Variants in TENT2 observed in about 807,000 individuals in gnomAD.
TENT2 encodes terminal nucleotidyltransferase 2.
A neutral mutation model predicts 72.2 loss-of-function variants in TENT2; 44 were observed. The ratio of observed to expected loss-of-function variants is 0.61; its 90% CI spans 0.48 to 0.78. TENT2 has a LOEUF of 0.78. Ranked by LOEUF, TENT2 falls within the 30% of genes least tolerant of loss-of-function variation. The pLI, the probability that TENT2 is intolerant of heterozygous loss-of-function variation, is 0.00. For synonymous variants in TENT2, 212 were observed against 192.5 expected, an observed-to-expected ratio of 1.10 and a Z score of -0.84; for missense variants, 541 against 569.6, an observed-to-expected ratio of 0.95 and a Z score of 0.51.
intron 13 of TENT2, 32 bp downstream of exon 13, chr5:79,679,702 A>C: frequency 7.7e-7 from 1 of 1,297,124 alleles, no homozygotes; most frequent in South Asian, 1.6e-5. Flanking sequence ...ACGTATCATC[A>C]TGGTACTAAG....
intron 4 of TENT2, among the ~76,000 whole-genome samples, chr5:79,634,912 G>A (rs1174479331): frequency 6.6e-6 from 1 of 151,644 alleles, no homozygotes; most frequent in Non-Finnish European, 1.5e-5. Context: ...TGAACTCCTG[G>A]GCTCAAGCTA....
rs1193599290 is a variant in TENT2, at chr5:79,645,168, T to C, written c.797T>C (p.Ile266Thr). 2.5e-6 allele frequency: 4 copies of C among 1,609,062 alleles called. No homozygotes were observed. The highest frequency in any genetic ancestry group is 3.4e-6 in the Non-Finnish European group (4 of 1,177,984). Residue 266 changes from isoleucine (I) to threonine (T), a missense_variant, in exon 8 of 15, where the codon ATT (isoleucine) becomes ACT (threonine). Transcript: ENST00000453514. ...CAGCTGATTCGAGCAAAAGTGCCAA[T>C]TGTGAAGTTCAGGGATAAAGTCAGG... ...RPQLIRAKVP[I>T]VKFRDKVSCV... is the part of the protein sequence containing the mutation.
chr5:79,663,648 G>A (rs1406308705), intron 11 of TENT2, among the ~76,000 whole-genome samples: 6 of 152,120 alleles, frequency 3.9e-5, no homozygotes, highest in African/African-American at 1.4e-4. Context: ...ACCATTTGTG[G>A]CACTCCAAAA....
intron 11 of TENT2, among the ~76,000 whole-genome samples, chr5:79,658,351 A>G (rs1043759365): frequency 6.7e-6 from 1 of 149,562 alleles, no homozygotes; most frequent in Admixed American, 6.7e-5. Flanking sequence ...GAATCTTTTT[A>G]TTTATTCTTT....
intron 3 of TENT2, among the ~76,000 whole-genome samples, chr5:79,622,145 A>G (rs1383979454): frequency 2.6e-5 from 4 of 152,060 alleles, no homozygotes. Context: ...GACTAAAAAC[A>G]CAAAAATTAG....
chr5:79,647,950 G>A (rs1164433136), intron 8 of TENT2, among the ~76,000 whole-genome samples: 2 of 152,198 alleles, frequency 1.3e-5, no homozygotes, highest in East Asian at 1.9e-4. Flanking sequence ...TAATTTACTA[G>A]CCTTTTTAGA....
chr5:79,654,978 A>G (rs1796899209), intron 10 of TENT2, among the ~76,000 whole-genome samples: 1 of 152,152 alleles, frequency 6.6e-6, no homozygotes, highest in African/African-American at 2.4e-5. Context: ...TATTCAAGGC[A>G]TTACCTATTA....
At position 79,686,279 on chromosome 5, in the gene TENT2, T is replaced by TA. The variant is rs1225054033; in HGVS notation, c.*1012dup. 1.3e-5 allele frequency: 2 copies of TA among 152,400 alleles called. No individual in the cohort carries two copies. The highest frequency in any genetic ancestry group is 4.8e-5 in the African/African-American group (2 of 41,462). 9.4% of individuals were successfully genotyped at this position (152,400 alleles called of 1,614,324 possible). On this transcript the variant is annotated 3_prime_UTR_variant, in exon 15 of 15. Coordinates refer to ENST00000453514, the MANE Select transcript of TENT2 (RefSeq NM_001114394.3). ...ATTATAAATAAAAGCTTAATGTTTG[T>TA]AAAAAATCTCTTTTTTAGTATTTCT...
Position 79,676,163 on chromosome 5 carries a change from TACAC to T in TENT2, c.1209-3392_1209-3389del, listed in dbSNP as rs59618310. 8.2e-3 allele frequency among the ~76,000 whole-genome samples: 1,216 copies of T among 147,426 alleles called. 13 individuals are homozygous for T. The highest frequency in any genetic ancestry group is 0.042 in the East Asian group (213 of 5,052). On this transcript the variant is annotated intron_variant, in intron 12 of 14. Transcript: ENST00000453514. Reference sequence around the variant, plus strand: ...ACATATATATATACATATATATGTATACACACACACACACACACACACACACAGC... The same window carrying T: ...ACATATATATATACATATATATGTATACACACACACACACACACACACAGC...
intron 13 of TENT2, among the ~76,000 whole-genome samples, chr5:79,681,150 ATTTTTTTT>A (rs1158559796): frequency 1.3e-4 from 6 of 44,738 alleles, no homozygotes; most frequent in African/African-American, 5.2e-4. Flanking sequence ...CTTTTCTTTG[ATTTTTTTT>A]TTTTTTTTTT....
At chr5:79,656,148 A>G (rs191877502) in intron 10 of TENT2, among the ~76,000 whole-genome samples, 68 of 152,066 alleles carry the variant, frequency 4.5e-4, no homozygotes, top group Admixed American at 3.6e-3. Flanking sequence ...TCATGACATT[A>G]TATTTTACAG....
At chr5:79,676,452 G>T (rs1317099059) in intron 12 of TENT2, among the ~76,000 whole-genome samples, 4 of 152,118 alleles carry the variant, frequency 2.6e-5, no homozygotes, top group Admixed American at 6.6e-5. Context: ...AGGCATGGTG[G>T]TGGGCGCCTG....
chr5:79,637,435 C>A (rs1781001399), intron 4 of TENT2, among the ~76,000 whole-genome samples: 1 of 151,524 alleles, frequency 6.6e-6, no homozygotes, highest in Non-Finnish European at 1.5e-5. Context: ...TATTTTATTT[C>A]AGTGTTTTTG....
At chr5:79,635,755 G>A (rs903054904) in intron 4 of TENT2, among the ~76,000 whole-genome samples, 2 of 152,084 alleles carry the variant, frequency 1.3e-5, no homozygotes, top group Admixed American at 6.6e-5. Context: ...GGGTTTAACC[G>A]TTGTTGCTCA....
chr5:79,641,701 T>C (rs1784600277), intron 6 of TENT2, among the ~76,000 whole-genome samples: 1 of 144,322 alleles, frequency 6.9e-6, no homozygotes, highest in Non-Finnish European at 1.5e-5. Flanking sequence ...AATGACATTT[T>C]GCCTTTGTTT....
chr5:79,632,230 G>A (rs1776132882), intron 4 of TENT2, among the ~76,000 whole-genome samples: 2 of 152,104 alleles, frequency 1.3e-5, no homozygotes, highest in Admixed American at 6.6e-5. Flanking sequence ...CAGCTCCAGG[G>A]AAAGATTTTG....
chr5:79,642,967 C>A, intron 7 of TENT2, 57 bp downstream of exon 7: 1 of 1,583,458 alleles, frequency 6.3e-7, no homozygotes, highest in Non-Finnish European at 8.6e-7. Flanking sequence ...ACTTAAAATG[C>A]CTCTTACATT....
intron 12 of TENT2, among the ~76,000 whole-genome samples, chr5:79,674,345 G>A (rs1580644151): frequency 6.6e-6 from 1 of 152,146 alleles, no homozygotes; most frequent in African/African-American, 2.4e-5. Context: ...TCGCGCCACC[G>A]CACTCCAGCC....
chr5:79,687,347 A>G lies in TENT2; in HGVS notation c.*2074A>G, dbSNP rs1580733700. Among the ~76,000 whole-genome samples the G allele has an allele frequency of 1.3e-5, 2 of 152,088 alleles. No homozygotes were observed. Among genetic ancestry groups the G allele is most frequent in the South Asian group, 4.1e-4 (2 of 4,826 alleles). On this transcript the variant is annotated 3_prime_UTR_variant, in exon 15 of 15. Coordinates refer to ENST00000453514, the MANE Select transcript of TENT2 (RefSeq NM_001114394.3). ...ACTAAATTATTTTCTGTTTGTGTTG[A>G]TCTGTCCATTTCTGTATATAGTTGT...
Sources: allele counts gnomAD v4.1 joint callset (sites outside exome capture counted in the v4.1 genomes callset), GRCh38; gene constraint gnomAD v4.1.1; transcripts MANE v1.5; gene names NCBI Gene and HGNC (gene_info 2026-07-23, HGNC 2026-07-21).